IGFN1: variants seen among roughly 807,000 people sequenced by gnomAD.
IGFN1 encodes immunoglobulin like and fibronectin type III domain containing 1.
IGFN1 carries 253 observed loss-of-function variants against 289.5 expected under a neutral mutation model. That is an observed-to-expected ratio of 0.87 (90% confidence interval 0.79 to 0.97). The LOEUF is 0.97. Ranked by LOEUF, IGFN1 falls within the 50% of genes least tolerant of loss-of-function variation. IGFN1 has a pLI of 0.00. For missense variants in IGFN1, 4,470 were observed against 4,686.1 expected (o/e 0.95, Z 1.35); for synonymous variants, 1,706 against 1,788.5 (o/e 0.95, Z 1.16).
In IGFN1 at chr1:201,207,993, G is replaced by T. The variant is rs546023415; in HGVS notation, c.3100G>T (p.Gly1034Trp). ...EDSGPAGGGSGRVASLKNGSG... is the reference protein window; with the variant it reads ...EDSGPAGGGSWRVASLKNGSG... ...TTCTGGCCCTGCAGGAGGAGGGTCT[G>T]GGAGAGTTGCCAGTCTTAAAAATGG... The change falls in exon 12 of 24, where the codon GGG becomes TGG. Residue 1034 changes from glycine to tryptophan, a missense_variant. By Grantham distance (184) the Gly-to-Trp change is radical (BLOSUM62 -2). Coordinates refer to ENST00000335211, the MANE Select transcript of IGFN1 (RefSeq NM_001164586.2). The T allele has an allele frequency of 3.9e-6, 6 of 1,536,934 alleles. No individual in the cohort carries two copies. The Admixed American group carries it at 9.8e-5, about 25-fold the overall frequency.
Position 201,206,660 on chromosome 1 carries a change from C to T in IGFN1, c.1767C>T (p.Asp589=), listed in dbSNP as rs2102333833. The change falls in exon 12 of 24, where the codon GAC becomes GAT. Residue 589 remains aspartate, a synonymous_variant. Coordinates refer to ENST00000335211, the MANE Select transcript of IGFN1 (RefSeq NM_001164586.2). ...GAGGGGACAGTGGAAGACAACTGGA[C>T]AGGCATGCCCCAGAGCAACTGTGGG... ...EHRGDSGRQL[D]RHAPEQLWDA... 3 of 1,537,574 alleles carry T rather than the reference C, an allele frequency of 2.0e-6. No individual in the cohort carries two copies. Among genetic ancestry groups the T allele is most frequent in the South Asian group, 1.2e-5 (1 of 84,048 alleles).
At position 201,221,618 on chromosome 1, in the gene IGFN1, T is replaced by G; in HGVS notation, c.10073T>G (p.Val3358Gly). The part of the protein sequence containing the change: ...WLPCHVGTVP[V>G]TTYTAKGLRP... Reference sequence around the variant, plus strand: ...CCGTGCCATGTGGGCACCGTGCCAGTCACCACCTACACGGCCAAGGGGCTT... The same window carrying G: ...CCGTGCCATGTGGGCACCGTGCCAGGCACCACCTACACGGCCAAGGGGCTT... Residue 3358 changes from valine to glycine, a missense_variant, in exon 19 of 24, where the codon GTC becomes GGC. By Grantham distance (109) the Val-to-Gly change is moderately radical. Transcript: ENST00000335211. 6.2e-7 allele frequency: 1 copy of G among 1,614,212 alleles called. No individual in the cohort carries two copies. The highest frequency in any genetic ancestry group is 8.5e-7 in the Non-Finnish European group (1 of 1,180,024).
intron 11 of IGFN1, among the ~76,000 whole-genome samples, chr1:201,205,859 G>A (rs74497484): frequency 0.012 from 1,771 of 152,302 alleles, 13 homozygotes; most frequent in Non-Finnish European, 0.02. Context: ...GGTGGCCTGC[G>A]GGTATAGGAC....
intron 20 of IGFN1, 89 bp from the exon 21 acceptor site, chr1:201,224,590 G>A (rs1653956930): frequency 1.0e-5 from 11 of 1,066,348 alleles, no homozygotes; most frequent in Admixed American, 1.0e-4. Context: ...TCTTCTCACC[G>A]CTTCTACCTT....
rs1167266992 is a variant in IGFN1 at position 201,211,734 on chromosome 1, G to A, written c.6841G>A (p.Gly2281Arg). 7 of 1,536,820 alleles carry A rather than the reference G, an allele frequency of 4.6e-6. No individual in the cohort carries two copies. In the African/African-American group the frequency reaches 5.5e-5, roughly 12 times the overall value. The change falls in exon 12 of 24, where the codon GGG becomes AGG. Residue 2281 changes from glycine (G) to arginine (R), a missense_variant. Transcript: ENST00000335211. ...GLGSSGKISS[G>R]DEAGYKNVLG... ...AGGCAGTTCTGGAAAAATCAGTTCA[G>A]GGGATGAGGCAGGTTATAAGAATGT...
At chr1:201,215,183 C>T in intron 14 of IGFN1, 29 bp downstream of exon 14, 1 of 1,599,126 alleles carries the variant, frequency 6.3e-7, no homozygotes, top group Non-Finnish European at 8.5e-7. Context: ...CTGCCCTGCC[C>T]TGTCCTGTCC....
intron 22 of IGFN1, among the ~76,000 whole-genome samples, chr1:201,226,611 G>C (rs16848109): frequency 0.13 from 19,378 of 152,174 alleles, 1,698 homozygotes; most frequent in East Asian, 0.24. Flanking sequence ...GTGAGATTAT[G>C]ATTTGGTTTT....
rs898300500 is a variant in IGFN1 at position 201,211,633 on chromosome 1, A to T, written c.6740A>T (p.Glu2247Val). The change falls in exon 12 of 24, where the codon GAG becomes GTG. Residue 2247 changes from glutamate (E) to valine (V), a missense_variant. Glu to Val is a moderately radical substitution (Grantham distance 121). Transcript: ENST00000335211. ...TCTGGGGAAATGGGGTCAATGGATG[A>T]GGCAGATTATAGGAAGGATTTGGGA... ...GSSGEMGSMD[E>V]ADYRKDLGAP... 2 of 1,536,716 alleles carry T rather than the reference A, an allele frequency of 1.3e-6. No homozygotes were observed. The highest frequency in any genetic ancestry group is 1.7e-6 in the Non-Finnish European group (2 of 1,146,776).
chr1:201,204,642 C>T (rs886730653), intron 10 of IGFN1, among the ~76,000 whole-genome samples: 1 of 152,204 alleles, frequency 6.6e-6, no homozygotes, highest in Admixed American at 6.5e-5. Context: ...TCAGCCAGAC[C>T]TGGGTGTGAA....
At chr1:201,199,136 C>G (rs983482454) in intron 5 of IGFN1, among the ~76,000 whole-genome samples, 198 bp from the exon 6 acceptor site, 1 of 152,136 alleles carries the variant, frequency 6.6e-6, no homozygotes, top group Non-Finnish European at 1.5e-5. Context: ...TGGTAAGGCT[C>G]TAGGGTAAAA....
intron 20 of IGFN1, among the ~76,000 whole-genome samples, chr1:201,224,324 C>T (rs550340751): frequency 6.6e-6 from 1 of 152,314 alleles, no homozygotes; most frequent in South Asian, 2.1e-4. Context: ...GAATCCAGAA[C>T]TCATTATGCT....
In IGFN1 at chr1:201,212,548, A is replaced by C; in HGVS notation, c.7655A>C (p.Asp2552Ala). 1 of 1,549,496 alleles carries C rather than the reference A, an allele frequency of 6.5e-7. No homozygotes were observed. The highest frequency in any genetic ancestry group is 8.7e-7 in the Non-Finnish European group (1 of 1,146,786). Reference protein sequence around the residue: ...MAALGSGYERDIWKAGPGMTD... With the variant: ...MAALGSGYERAIWKAGPGMTD... ...GCTCTAGGGTCTGGATATGAACGGG[A>C]CATCTGGAAAGCAGGCCCAGGAATG... Residue 2552 changes from aspartate (D) to alanine (A), a missense_variant, in exon 12 of 24, where the codon GAC becomes GCC. By Grantham distance (126) the Asp-to-Ala change is moderately radical. Coordinates refer to ENST00000335211, the MANE Select transcript of IGFN1 (RefSeq NM_001164586.2).
At position 201,206,218 on chromosome 1, in the gene IGFN1, G is replaced by A. The variant is rs984620787; in HGVS notation, c.1325G>A (p.Gly442Glu). 2.6e-6 allele frequency: 4 copies of A among 1,548,486 alleles called. No homozygotes were observed. Among genetic ancestry groups the A allele is most frequent in the Non-Finnish European group, 3.5e-6 (4 of 1,146,236 alleles). ...GEKSREQGPRGGSLEGAGPAS... is the reference protein window; with the variant it reads ...GEKSREQGPREGSLEGAGPAS... ...AAATCCAGAGAGCAGGGCCCCAGGGGGGGCTCCCTTGAAGGGGCTGGGCCG... is the reference window on the plus strand; with the variant it reads ...AAATCCAGAGAGCAGGGCCCCAGGGAGGGCTCCCTTGAAGGGGCTGGGCCG... Residue 442 changes from glycine (G) to glutamate (E), a missense_variant, in exon 12 of 24, where the codon GGG (glycine) becomes GAG (glutamate). Gly to Glu is a moderately conservative substitution (Grantham distance 98). Around this residue, in one of 8 missense-constraint regions of IGFN1, gnomAD observed 2,011 missense variants for 1,953.4 expected, o/e 1.03. Transcript: ENST00000335211.
intron 1 of IGFN1, among the ~76,000 whole-genome samples, chr1:201,191,942 T>A (rs1666676471): frequency 7.4e-6 from 1 of 134,980 alleles, no homozygotes; most frequent in African/African-American, 2.7e-5. Context: ...GGTCACCGAC[T>A]GGCACCAGTG....
chr1:201,207,366 G>A lies in IGFN1; in HGVS notation c.2473G>A (p.Ala825Thr), dbSNP rs1196660056. The change falls in exon 12 of 24, where the codon GCA (alanine) becomes ACA (threonine). Residue 825 changes from alanine to threonine, a missense_variant. Transcript: ENST00000335211. Reference protein sequence around the residue: ...SSQGWTAGHRAAGGIGRIESK... With the variant: ...SSQGWTAGHRTAGGIGRIESK... ...CCAGGGCTGGACAGCAGGTCACAGA[G>A]CAGCAGGGGGTATTGGCAGAATAGA... 1 of 1,536,954 alleles carries A rather than the reference G, an allele frequency of 6.5e-7. No individual in the cohort carries two copies. The highest frequency in any genetic ancestry group is 1.2e-5 in the South Asian group (1 of 84,048).
chr1:201,195,807 T>A, intron 3 of IGFN1, 32 bp from the exon 4 acceptor site: 1 of 1,542,198 alleles, frequency 6.5e-7, no homozygotes, highest in South Asian at 1.2e-5. Context: ...TCCCAACTTG[T>A]CAGTCTCCCT....
In IGFN1 at chr1:201,212,797, G is replaced by T; in HGVS notation, c.7904G>T (p.Ser2635Ile). The T allele has an allele frequency of 6.4e-7, 1 of 1,551,544 alleles. No individual in the cohort carries two copies. The highest frequency in any genetic ancestry group is 8.7e-7 in the Non-Finnish European group (1 of 1,146,930). ...CCTGATTGGGAAAACCAGGGGTTTA[G>T]CCAAGGCAGCATAGATGCTGGGAAG... ...WAPDWENQGF[S>I]QGSIDAGKQP... is the part of the protein sequence containing the mutation. The change falls in exon 12 of 24, where the codon AGC becomes ATC. Residue 2635 changes from serine (S) to isoleucine (I), a missense_variant. Physicochemically the swap from Ser to Ile is moderately radical, Grantham distance 142. Coordinates refer to ENST00000335211, the MANE Select transcript of IGFN1 (RefSeq NM_001164586.2).
At chr1:201,217,490 C>A (rs1653397258) in intron 17 of IGFN1, 30 bp downstream of exon 17, 1 of 1,609,360 alleles carries the variant, frequency 6.2e-7, no homozygotes, top group African/African-American at 1.3e-5. Flanking sequence ...CCAGAGCTTC[C>A]TTAGACCCCT....
At position 201,216,691 on chromosome 1, in the gene IGFN1, C is replaced by T; in HGVS notation, c.9533C>T (p.Ala3178Val). 6.2e-7 allele frequency: 1 copy of T among 1,613,822 alleles called. No homozygotes were observed. The highest frequency in any genetic ancestry group is 1.7e-4 in the Middle Eastern group (1 of 6,048). ...AGGAAGTATACCTTCCGAGTGCGGG[C>T]TGTGACCTCAGAGGGGGCTGGCGAG... The part of the protein sequence containing the change: ...PGRKYTFRVR[A>V]VTSEGAGEAL... The change falls in exon 16 of 24, where the codon GCT (alanine) becomes GTT (valine). Residue 3178 changes from alanine to valine, a missense_variant. Ala to Val is a moderately conservative substitution (Grantham distance 64). This residue lies in a region of IGFN1 where 2,218 missense variants were observed against 2,114.1 expected (regional missense o/e 1.05). Coordinates refer to ENST00000335211, the MANE Select transcript of IGFN1 (RefSeq NM_001164586.2).
Sources: allele counts gnomAD v4.1 joint callset (sites outside exome capture counted in the v4.1 genomes callset), GRCh38; gene constraint gnomAD v4.1.1; regional missense constraint gnomAD v4.1.1; transcripts MANE v1.5; gene names NCBI Gene and HGNC (gene_info 2026-07-23, HGNC 2026-07-21).